TENM4: variants seen among roughly 807,000 people sequenced by gnomAD.
TENM4 encodes the protein teneurin-4.
A neutral mutation model predicts 243.3 loss-of-function variants in TENM4; 82 were observed. The ratio of observed to expected loss-of-function variants is 0.34; its 90% CI spans 0.28 to 0.40. The LOEUF (loss-of-function observed/expected upper bound fraction) is 0.40. TENM4 is among the 10% of genes least tolerant of loss of function. TENM4 has a pLI of 1.00. For synonymous variants in TENM4, 1,412 were observed against 1,456.3 expected, an observed-to-expected ratio of 0.97 and a Z score of 0.69; for missense variants, 3,138 against 3,673.3, an observed-to-expected ratio of 0.85 and a Z score of 3.77.
intron 1 of TENM4, among the ~76,000 whole-genome samples, chr11:79,302,270 T>C (rs968680021): frequency 6.6e-6 from 1 of 152,234 alleles, no homozygotes; most frequent in South Asian, 2.1e-4. Flanking sequence ...GTGCAGGGTC[T>C]AATTTAAGCC....
chr11:79,120,929 G>C (rs1427523847), intron 4 of TENM4, among the ~76,000 whole-genome samples: 2 of 152,222 alleles, frequency 1.3e-5, no homozygotes, highest in Non-Finnish European at 2.9e-5. Context: ...CCATTTTGCA[G>C]ATGATAAAAC....
At chr11:79,145,353 G>C (rs572193963) in intron 4 of TENM4, among the ~76,000 whole-genome samples, 1 of 152,070 alleles carries the variant, frequency 6.6e-6, no homozygotes, top group South Asian at 2.1e-4. Flanking sequence ...GAATTAAAAG[G>C]CAGAATGTGA....
At chr11:79,212,725 T>C (rs1446201189) in intron 3 of TENM4, among the ~76,000 whole-genome samples, 1 of 152,090 alleles carries the variant, frequency 6.6e-6, no homozygotes, top group Non-Finnish European at 1.5e-5. Flanking sequence ...CCTGGAAACA[T>C]CCTTTTAAAT....
intron 6 of TENM4, among the ~76,000 whole-genome samples, chr11:78,977,323 T>C (rs2136606563): frequency 6.6e-6 from 1 of 152,334 alleles, no homozygotes; most frequent in Middle Eastern, 3.4e-3. Context: ...CTGTCTGAGG[T>C]ACTGGAGATT....
chr11:78,978,575 T>C (rs1857720752), intron 6 of TENM4, among the ~76,000 whole-genome samples: 1 of 152,046 alleles, frequency 6.6e-6, no homozygotes, highest in African/African-American at 2.4e-5. Flanking sequence ...TTTTTTTTCC[T>C]GCAACCACAC....
At chr11:78,989,344 A>G (rs1353409083) in intron 6 of TENM4, among the ~76,000 whole-genome samples, 1 of 152,162 alleles carries the variant, frequency 6.6e-6, no homozygotes, top group East Asian at 1.9e-4. Flanking sequence ...TCTGAGGCAG[A>G]TGTTTTAACT....
At chr11:79,094,507 G>A (rs912409718) in intron 4 of TENM4, among the ~76,000 whole-genome samples, 2 of 152,130 alleles carry the variant, frequency 1.3e-5, no homozygotes, top group African/African-American at 4.8e-5. Context: ...GTTTGGAGGT[G>A]TTTCCTCCCC....
In TENM4 at chr11:78,720,359, G is replaced by T. The variant is rs769866631; in HGVS notation, c.3821+11C>A. On this transcript the variant is annotated intron_variant, in intron 25 of 33. Coordinates refer to ENST00000278550, the MANE Select transcript of TENM4 (RefSeq NM_001098816.3). ...GGGGTGAGGCAGGAAATTCTCCACT[G>T]GTTGGCTTACCTATGTCTGAAATCT... 2.5e-6 allele frequency: 4 copies of T among 1,613,830 alleles called. No individual in the cohort carries two copies. Among genetic ancestry groups the T allele is most frequent in the Non-Finnish European group, 3.4e-6 (4 of 1,179,780 alleles).
intron 2 of TENM4, among the ~76,000 whole-genome samples, chr11:79,245,348 A>G (rs539493693): frequency 6.6e-6 from 1 of 152,370 alleles, no homozygotes; most frequent in Non-Finnish European, 1.5e-5. Context: ...TAGGACGTGG[A>G]TCAGTGTGCA....
intron 7 of TENM4, among the ~76,000 whole-genome samples, chr11:78,892,931 C>A (rs190423473): frequency 3.3e-5 from 5 of 152,218 alleles, no homozygotes; most frequent in Non-Finnish European, 7.3e-5. Context: ...GTGGCTACTG[C>A]CCCTGGTCAG....
intron 19 of TENM4, among the ~76,000 whole-genome samples, chr11:78,740,581 G>A (rs1855905569): frequency 6.6e-6 from 1 of 152,218 alleles, no homozygotes; most frequent in Non-Finnish European, 1.5e-5. Context: ...ATTGTATTCA[G>A]CTGGTGCTGA....
chr11:78,876,551 T>C (rs1220778629), intron 9 of TENM4, among the ~76,000 whole-genome samples: 1 of 152,236 alleles, frequency 6.6e-6, no homozygotes, highest in Non-Finnish European at 1.5e-5. Flanking sequence ...CAATGCCTTG[T>C]AATTTTTTCC....
chr11:79,365,534 T>C (rs1857661809), intron 1 of TENM4, among the ~76,000 whole-genome samples: 1 of 152,176 alleles, frequency 6.6e-6, no homozygotes, highest in Non-Finnish European at 1.5e-5. Context: ...ACCAGCCTTC[T>C]CTAAATCCCA....
intron 3 of TENM4, among the ~76,000 whole-genome samples, chr11:79,173,835 A>C (rs909289948): frequency 3.9e-5 from 6 of 152,234 alleles, no homozygotes; most frequent in Non-Finnish European, 8.8e-5. Context: ...ACTGAAGTAC[A>C]AATTTAGCAG....
At chr11:78,875,666 C>T (rs1859252662) in intron 9 of TENM4, among the ~76,000 whole-genome samples, 1 of 152,196 alleles carries the variant, frequency 6.6e-6, no homozygotes, top group Non-Finnish European at 1.5e-5. Context: ...AGAGATCTGG[C>T]TTTGGACATA....
rs1395448682 is a variant in TENM4, at chr11:78,903,408, G to GCCC, written c.606_608dup (p.Gly203dup). 6.5e-7 allele frequency: 1 copy of GCCC among 1,539,742 alleles called. No individual in the cohort carries two copies. The highest frequency in any genetic ancestry group is 1.2e-5 in the South Asian group (1 of 83,428). On this transcript the variant is annotated inframe_insertion, in exon 7 of 34. Coordinates refer to ENST00000278550, the MANE Select transcript of TENM4 (RefSeq NM_001098816.3). ...TGGGGTTGCTCCTCGGCGTGAAGTT[G>GCCC]CCCCGGTTCAGGGAGTTAATGGAGG...
At chr11:78,941,612 G>A (rs892481080) in intron 6 of TENM4, among the ~76,000 whole-genome samples, 4 of 152,314 alleles carry the variant, frequency 2.6e-5, no homozygotes, top group Non-Finnish European at 5.9e-5. Context: ...GGGGTTGGGG[G>A]GGTGTCCCAC....
intron 1 of TENM4, among the ~76,000 whole-genome samples, chr11:79,311,053 C>G (rs942200483): frequency 2.6e-5 from 4 of 152,176 alleles, no homozygotes; most frequent in African/African-American, 9.7e-5. Flanking sequence ...CAGCCTAATA[C>G]TAACGATTCA....
chr11:79,253,583 T>C (rs1423808974), intron 2 of TENM4, among the ~76,000 whole-genome samples: 2 of 152,194 alleles, frequency 1.3e-5, no homozygotes, highest in Non-Finnish European at 2.9e-5. Flanking sequence ...CCTGGTACTT[T>C]AGCAGCTGCT....
Sources: gnomAD v4.1 joint callset for allele counts (sites outside exome capture counted in the v4.1 genomes callset) on GRCh38, gnomAD v4.1.1 for gene constraint, MANE v1.5 for transcripts, NCBI Gene and HGNC (gene_info 2026-07-23, HGNC 2026-07-21) for gene names.